LAMA2: variants seen among roughly 807,000 people sequenced by gnomAD.
LAMA2 encodes laminin subunit alpha 2, also known as laminin subunit alpha-2.
In LAMA2, 269 loss-of-function variants were observed where a neutral mutation model predicts 364.8. That is an observed-to-expected ratio of 0.74 (90% CI 0.67 to 0.82). The LOEUF is 0.82. Ranked by LOEUF, LAMA2 falls within the 40% of genes least tolerant of loss-of-function variation. The pLI is 0.00. For missense variants in LAMA2, 3,807 were observed against 3,873.2 expected, an observed-to-expected ratio of 0.98 and a Z score of 0.45; for synonymous variants, 1,379 against 1,370.6, an observed-to-expected ratio of 1.01 and a Z score of -0.14.
At chr6:129,112,166 A>G (rs1346400089) in intron 4 of LAMA2, among the ~76,000 whole-genome samples, 1 of 152,036 alleles carries the variant, frequency 6.6e-6, no homozygotes, top group Non-Finnish European at 1.5e-5. Flanking sequence ...CTTTATTGCA[A>G]GACTTTTGCT....
chr6:129,238,451 A>G (rs1370990221), intron 12 of LAMA2, among the ~76,000 whole-genome samples: 1 of 152,166 alleles, frequency 6.6e-6, no homozygotes, highest in Non-Finnish European at 1.5e-5. Context: ...TAATTTTCCC[A>G]AAATCACACA....
Position 129,516,247 on chromosome 6 carries a change from C to T in LAMA2, c.9269C>T (p.Ser3090Phe), listed in dbSNP as rs765978739. ...ATTCCGTTCCGAGGTTGCATCAGAT[C>T]CCTGAAGCTCACCAAAGGCACAGGC... ...TSIPFRGCIRSLKLTKGTGKP... is the reference protein window; with the variant it reads ...TSIPFRGCIRFLKLTKGTGKP... The change falls in exon 65 of 65, where the codon TCC becomes TTC. Residue 3090 changes from serine to phenylalanine, a missense_variant. Coordinates refer to ENST00000421865, the MANE Select transcript of LAMA2 (RefSeq NM_000426.4). The T allele has an allele frequency of 1.2e-5, 20 of 1,613,892 alleles. No homozygotes were observed. In the East Asian group the frequency reaches 4.5e-4, roughly 36 times the overall value.
intron 32 of LAMA2, among the ~76,000 whole-genome samples, chr6:129,363,883 A>G (rs544268227): frequency 6.6e-6 from 1 of 152,336 alleles, no homozygotes; most frequent in African/African-American, 2.4e-5. Flanking sequence ...TTTAATGTGG[A>G]CAAGTCTGTT....
intron 28 of LAMA2, among the ~76,000 whole-genome samples, chr6:129,327,389 A>G (rs184141972): frequency 7.8e-4 from 119 of 151,682 alleles, no homozygotes; most frequent in Middle Eastern, 3.4e-3. Context: ...ATCAATGGGC[A>G]TAAGATTTTT....
chr6:129,216,281 C>G (rs555249810), intron 12 of LAMA2, among the ~76,000 whole-genome samples: 164 of 152,174 alleles, frequency 1.1e-3, no homozygotes, highest in Non-Finnish European at 2.1e-3. Context: ...GAAGAATATC[C>G]TTGAGGGCAA....
chr6:129,211,103 A>C (rs1783073776), intron 12 of LAMA2, among the ~76,000 whole-genome samples: 1 of 152,236 alleles, frequency 6.6e-6, no homozygotes, highest in Non-Finnish European at 1.5e-5. Context: ...AATTTTATGA[A>C]TATAATGCCA....
chr6:129,357,928 A>G (rs1410516557), intron 32 of LAMA2, among the ~76,000 whole-genome samples: 1 of 152,040 alleles, frequency 6.6e-6, no homozygotes, highest in Non-Finnish European at 1.5e-5. Flanking sequence ...GATGATAAAC[A>G]TCAGTTGATC....
At chr6:129,081,690 T>C (rs1331046881) in intron 3 of LAMA2, among the ~76,000 whole-genome samples, 1 of 152,174 alleles carries the variant, frequency 6.6e-6, no homozygotes. Context: ...GTGTGATTCA[T>C]TGATTTTCCT....
At chr6:129,118,788 T>C (rs1229560690) in intron 4 of LAMA2, among the ~76,000 whole-genome samples, 1 of 152,078 alleles carries the variant, frequency 6.6e-6, no homozygotes, top group Non-Finnish European at 1.5e-5. Context: ...GTGAAAAGTG[T>C]GTTATTGTTT....
At chr6:129,057,130 G>GT (rs1394874318) in intron 2 of LAMA2, among the ~76,000 whole-genome samples, 3 of 151,938 alleles carry the variant, frequency 2.0e-5, no homozygotes, top group Non-Finnish European at 2.9e-5. Context: ...TATTTTTATT[G>GT]TTTTTTCAAA....
intron 49 of LAMA2, among the ~76,000 whole-genome samples, chr6:129,460,945 G>A (rs990569172): frequency 6.6e-6 from 1 of 151,912 alleles, no homozygotes; most frequent in African/African-American, 2.4e-5. Context: ...TTATAAGATA[G>A]AGGGTAGAAT....
intron 1 of LAMA2, among the ~76,000 whole-genome samples, chr6:129,026,503 A>G (rs866086090): frequency 3.3e-5 from 5 of 152,164 alleles, no homozygotes; most frequent in African/African-American, 1.2e-4. Context: ...CAAATAGTAT[A>G]TATACATGTA....
At chr6:129,446,402 A>G (rs1782375325) in intron 45 of LAMA2, among the ~76,000 whole-genome samples, 1 of 150,414 alleles carries the variant, frequency 6.6e-6, no homozygotes, top group Admixed American at 6.6e-5. Context: ...TTAGAAGTTT[A>G]CTAGGATAGA....
At chr6:129,389,769 C>T (rs78646943) in intron 35 of LAMA2, among the ~76,000 whole-genome samples, 241 of 152,250 alleles carry the variant, frequency 1.6e-3, no homozygotes, top group African/African-American at 5.6e-3. Flanking sequence ...CACATACCTT[C>T]GAACAACCTG....
intron 12 of LAMA2, among the ~76,000 whole-genome samples, chr6:129,228,086 G>A (rs887846342): frequency 1.3e-5 from 2 of 152,162 alleles, no homozygotes; most frequent in African/African-American, 4.8e-5. Flanking sequence ...AGACTGCTGG[G>A]CTAGCAATGA....
chr6:129,367,127 A>G (rs1777821482), intron 33 of LAMA2, among the ~76,000 whole-genome samples: 1 of 152,230 alleles, frequency 6.6e-6, no homozygotes, highest in African/African-American at 2.4e-5. Context: ...AACAAGCACC[A>G]GTTTGATAAA....
At chr6:129,157,481 C>G (rs1779181774) in intron 8 of LAMA2, 3 of 1,608,000 alleles carry the variant, frequency 1.9e-6, no homozygotes, top group Non-Finnish European at 2.6e-6. Context: ...TGGGTAAAAA[C>G]AGTTCTTGCA....
At chr6:129,338,536 A>G (rs948821806) in intron 29 of LAMA2, among the ~76,000 whole-genome samples, 3 of 152,200 alleles carry the variant, frequency 2.0e-5, no homozygotes, top group Non-Finnish European at 4.4e-5. Flanking sequence ...ATCAATGGCA[A>G]AATATGACAA....
chr6:129,357,416 TTGGTGTTGC>T (rs1777208273), intron 32 of LAMA2, among the ~76,000 whole-genome samples: 1 of 152,056 alleles, frequency 6.6e-6, no homozygotes, highest in African/African-American at 2.4e-5. Flanking sequence ...AAATATCAAA[TTGGTGTTGC>T]CTATTTTTAA....
Sources: allele counts gnomAD v4.1 joint callset (sites outside exome capture counted in the v4.1 genomes callset), GRCh38; gene constraint gnomAD v4.1.1; transcripts MANE v1.5; gene names NCBI Gene and HGNC (gene_info 2026-07-23, HGNC 2026-07-21).